Variants in PCDHA10 observed in about 807,000 individuals in gnomAD.
PCDHA10 encodes the protein protocadherin alpha-10.
PCDHA10 carries 45 observed loss-of-function variants against 61.2 expected under a neutral mutation model. The ratio of observed to expected loss-of-function variants is 0.74; its 90% CI spans 0.58 to 0.94. PCDHA10 has a LOEUF of 0.94. Among genes scored for constraint, PCDHA10 ranks in the 40% least tolerant of loss-of-function variants. The pLI is 0.00. For synonymous variants in PCDHA10, 602 were observed against 548.8 expected, an observed-to-expected ratio of 1.10 and a Z score of -1.35; for missense variants, 1,278 against 1,236.2, an observed-to-expected ratio of 1.03 and a Z score of -0.51.
intron 1 of PCDHA10, among the ~76,000 whole-genome samples, chr5:140,885,441 A>G (rs568228687): frequency 6.6e-6 from 1 of 152,232 alleles, no homozygotes; most frequent in African/African-American, 2.4e-5. Context: ...GTGTGCAATT[A>G]TATATTATTT....
chr5:140,985,830 C>T (rs1446445717), intron 3 of PCDHA10, among the ~76,000 whole-genome samples: 2 of 149,758 alleles, frequency 1.3e-5, no homozygotes, highest in Non-Finnish European at 3.0e-5. Flanking sequence ...AGCTCTGCCT[C>T]CCGGGTTCAT....
intron 1 of PCDHA10, among the ~76,000 whole-genome samples, chr5:140,973,636 T>C (rs535388717): frequency 6.6e-6 from 1 of 152,234 alleles, no homozygotes; most frequent in Non-Finnish European, 1.5e-5. Flanking sequence ...CTTGTACACA[T>C]TCTGACTGAA....
intron 1 of PCDHA10, among the ~76,000 whole-genome samples, chr5:140,934,505 G>C (rs155823): frequency 0.32 from 48,260 of 151,744 alleles, 8,006 homozygotes; most frequent in East Asian, 0.53. Flanking sequence ...ACACCCAAAG[G>C]GTCCATAGAC....
chr5:140,961,887 G>GTT (rs35680913), intron 1 of PCDHA10, among the ~76,000 whole-genome samples: 78 of 143,932 alleles, frequency 5.4e-4, no homozygotes, highest in African/African-American at 1.2e-3. Flanking sequence ...ACTTACATCA[G>GTT]TTTTTTTTTT....
chr5:140,917,417 C>T (rs1163543772), intron 1 of PCDHA10, among the ~76,000 whole-genome samples: 1 of 152,082 alleles, frequency 6.6e-6, no homozygotes, highest in African/African-American at 2.4e-5. Flanking sequence ...TAATTAGGCC[C>T]CATTTGCCAA....
Position 140,920,254 on chromosome 5 carries a change from A to G in PCDHA10, c.2389-58695A>G, listed in dbSNP as rs117923328. Reference sequence around the variant, plus strand: ...TATATACCCAACAATACATCGCTATAATAATTATTACTTTATGTAATCTTA... The same window carrying G: ...TATATACCCAACAATACATCGCTATGATAATTATTACTTTATGTAATCTTA... On this transcript the variant is annotated intron_variant, in intron 1 of 3. Transcript: ENST00000307360. Among the ~76,000 whole-genome samples the G allele has an allele frequency of 8.5e-5, 13 of 152,332 alleles. No individual in the cohort carries two copies. In the East Asian group the frequency reaches 2.5e-3, roughly 29 times the overall value.
At chr5:140,935,382 T>G (rs1475831801) in intron 1 of PCDHA10, among the ~76,000 whole-genome samples, 1 of 152,218 alleles carries the variant, frequency 6.6e-6, no homozygotes, top group Non-Finnish European at 1.5e-5. Flanking sequence ...AATTACTCAT[T>G]TGTTATCCCA....
chr5:141,003,291 G>C (rs1402781511), intron 3 of PCDHA10, among the ~76,000 whole-genome samples: 1 of 152,158 alleles, frequency 6.6e-6, no homozygotes, highest in Non-Finnish European at 1.5e-5. Flanking sequence ...TGGATTATAG[G>C]ATTACATGAA....
chr5:140,941,214 C>CCCTTCTTTCTTTCTTTCTTTCTTT (rs2092871784), intron 1 of PCDHA10, among the ~76,000 whole-genome samples: 1 of 122,414 alleles, frequency 8.2e-6, no homozygotes, highest in Non-Finnish European at 1.7e-5. Flanking sequence ...TTTCTTTCTT[C>CCCTTCTTTCTTTCTTTCTTTCTTT]CTTTCTTTCT....
At chr5:140,989,996 A>G (rs1554251207) in intron 3 of PCDHA10, among the ~76,000 whole-genome samples, 1 of 152,144 alleles carries the variant, frequency 6.6e-6, no homozygotes, top group Non-Finnish European at 1.5e-5. Context: ...GAAATTGTCT[A>G]TCTCCAAGGG....
rs138893413 is a variant in PCDHA10, at chr5:140,976,899, T to C, written c.2389-2050T>C. Among the ~76,000 whole-genome samples, 191 of 152,340 alleles carry C rather than the reference T, an allele frequency of 1.3e-3. 1 individual carries two copies. The highest frequency in any genetic ancestry group is 4.3e-3 in the African/African-American group (179 of 41,576). ...AAGAATTAGGATACATGCAACAGTA[T>C]GTAATAAAGTGCAAAATCTAGTACT... On this transcript the variant is annotated intron_variant, in intron 1 of 3. Transcript: ENST00000307360.
At chr5:140,960,179 G>A (rs1379423809) in intron 1 of PCDHA10, among the ~76,000 whole-genome samples, 1 of 152,106 alleles carries the variant, frequency 6.6e-6, no homozygotes, top group Non-Finnish European at 1.5e-5. Flanking sequence ...TAAGTTAGGG[G>A]TTGCATGTGT....
At chr5:140,974,799 A>G (rs116037205) in intron 1 of PCDHA10, among the ~76,000 whole-genome samples, 2 of 152,294 alleles carry the variant, frequency 1.3e-5, no homozygotes, top group African/African-American at 2.4e-5. Context: ...TCATTTTGAT[A>G]TACTAGAAGA....
intron 1 of PCDHA10, chr5:140,966,522 G>C (rs1350046535): frequency 2.3e-6 from 1 of 437,158 alleles, no homozygotes; most frequent in Non-Finnish European, 4.0e-6. Context: ...GCAGGAAGCC[G>C]AGCCGGGTTG....
chr5:140,970,595 G>C (rs1554232604), intron 1 of PCDHA10, among the ~76,000 whole-genome samples: 1 of 152,098 alleles, frequency 6.6e-6, no homozygotes, highest in African/African-American at 2.4e-5. Context: ...TATGCTTTGT[G>C]ATACTTAAAA....
intron 1 of PCDHA10, among the ~76,000 whole-genome samples, chr5:140,955,031 A>C (rs782110698): frequency 6.6e-6 from 1 of 152,166 alleles, no homozygotes; most frequent in Non-Finnish European, 1.5e-5. Flanking sequence ...TAAATAGGGA[A>C]TCTTTTCCTC....
Position 140,994,911 on chromosome 5 carries a change from A to G in PCDHA10, c.2536+12348A>G, listed in dbSNP as rs527704488. Among the ~76,000 whole-genome samples, 14 of 152,340 alleles carry G rather than the reference A, an allele frequency of 9.2e-5. No homozygotes were observed. The East Asian group carries it at 1.7e-3, about 19-fold the overall frequency. On this transcript the variant is annotated intron_variant, in intron 3 of 3. Transcript: ENST00000307360. ...AAATGAGATCAGAAATGTAGACTGGAATCAGATTTTGTAGGACCTTAAACA... is the reference window on the plus strand; with the variant it reads ...AAATGAGATCAGAAATGTAGACTGGGATCAGATTTTGTAGGACCTTAAACA...
chr5:140,883,649 A>T, intron 1 of PCDHA10: 1 of 1,613,516 alleles, frequency 6.2e-7, no homozygotes, highest in South Asian at 1.1e-5. Context: ...GCCCGAGTAC[A>T]CGGTGTTCGT....
chr5:140,914,915 T>G (rs1037949691), intron 1 of PCDHA10, among the ~76,000 whole-genome samples: 8 of 151,746 alleles, frequency 5.3e-5, no homozygotes, highest in Non-Finnish European at 1.0e-4. Context: ...TTTCTCTGTG[T>G]CTTATTGTAC....
Sources: allele counts gnomAD v4.1 joint callset (sites outside exome capture counted in the v4.1 genomes callset), GRCh38; gene constraint gnomAD v4.1.1; transcripts MANE v1.5; gene names NCBI Gene and HGNC (gene_info 2026-07-23, HGNC 2026-07-21).